CCNH: variants seen among roughly 807,000 people sequenced by gnomAD.
CCNH encodes the protein cyclin H, also known as cyclin-H.
CCNH carries 31 observed loss-of-function variants against 41.9 expected under a neutral mutation model. That is an observed-to-expected ratio of 0.74 (90% CI 0.56 to 1.00). The LOEUF is 1.00. Ranked by LOEUF, CCNH falls within the 50% of genes least tolerant of loss-of-function variation. The probability of loss-of-function intolerance (pLI) is 0.00; values close to 1 mark genes in which losing one functional copy is unlikely to be tolerated. For missense variants in CCNH, 362 were observed against 388.4 expected (o/e 0.93, Z 0.57); for synonymous variants, 138 against 136.1 (o/e 1.01, Z -0.10).
At chr5:87,329,327 G>A (rs181819617) in intron 9 of CCNH, among the ~76,000 whole-genome samples, 6 of 151,450 alleles carry the variant, frequency 4.0e-5, no homozygotes, top group African/African-American at 7.3e-5. Flanking sequence ...CTGCAGTCTC[G>A]GCTACTTGGG....
At chr5:87,393,450 G>A (rs144120662), downstream of CCNH, 3 of 152,236 alleles carry the variant, frequency 2.0e-5, no homozygotes, top group East Asian at 3.9e-4. Flanking sequence ...TTTTCAGTGT[G>A]GGAAACTGGC....
At chr5:87,369,973 A>G (rs1196445062) in intron 9 of CCNH, 4 of 1,244,302 alleles carry the variant, frequency 3.2e-6, no homozygotes, top group Non-Finnish European at 4.7e-6. Flanking sequence ...TGGAATAGAA[A>G]ATGATCGCAT....
intron 9 of CCNH, chr5:87,346,779 G>C: frequency 1.5e-6 from 2 of 1,328,984 alleles, no homozygotes; most frequent in African/African-American, 1.4e-5. Context: ...ATAAAAAAGT[G>C]AACAAACCAT....
At chr5:87,344,678 A>AT (rs113174684) in intron 9 of CCNH, among the ~76,000 whole-genome samples, 3,800 of 131,028 alleles carry the variant, frequency 0.029, 71 homozygotes, top group South Asian at 0.036. Context: ...AAATGTTGTA[A>AT]TTTTTTTTTT....
intron 9 of CCNH, chr5:87,366,288 T>C (rs989427449): frequency 1.2e-5 from 4 of 338,180 alleles, no homozygotes; most frequent in East Asian, 7.6e-5. Flanking sequence ...AAGATGAATA[T>C]TGCAATATCT....
downstream of CCNH, chr5:87,389,581 G>GAGTT (rs545411201): frequency 1.5e-4 from 243 of 1,596,780 alleles, no homozygotes; most frequent in African/African-American, 2.8e-3. Context: ...AACACTTAGA[G>GAGTT]AGTTAATAAA....
chr5:87,323,107 G>A (rs1266707164), intron 9 of CCNH, among the ~76,000 whole-genome samples: 3 of 152,136 alleles, frequency 2.0e-5, no homozygotes, highest in Non-Finnish European at 4.4e-5. Context: ...ATGGATAACT[G>A]ATATTTCCAT....
At chr5:87,324,023 A>G (rs932600555) in intron 9 of CCNH, among the ~76,000 whole-genome samples, 2 of 152,152 alleles carry the variant, frequency 1.3e-5, no homozygotes, top group East Asian at 3.8e-4. Flanking sequence ...CATGTAGCAC[A>G]ATGCTTGGCA....
chr5:87,311,554 C>T, the CCNH span, among the ~76,000 whole-genome samples: 1 of 152,182 alleles, frequency 6.6e-6, no homozygotes, highest in African/African-American at 2.4e-5. Context: ...AGGGCAGAGT[C>T]CAGCAGAGAT....
At chr5:87,359,834 C>T (rs1008016599) in intron 9 of CCNH, among the ~76,000 whole-genome samples, 2 of 152,054 alleles carry the variant, frequency 1.3e-5, no homozygotes, top group Admixed American at 6.5e-5. Context: ...TTAAATGTAG[C>T]GTACCCAAAT....
chr5:87,372,486 T>C (rs916024868), downstream of CCNH, among the ~76,000 whole-genome samples: 19 of 152,172 alleles, frequency 1.2e-4, no homozygotes, highest in African/African-American at 4.1e-4. Flanking sequence ...CAAAAACTTA[T>C]TTTGGCCTCT....
Position 87,345,097 on chromosome 5 carries a change from C to T in CCNH, c.*91-26200G>A, listed in dbSNP as rs542060213. On this transcript the variant is annotated intron_variant and NMD_transcript_variant, in intron 9 of 9. Coordinates refer to the CCNH transcript ENST00000645953. ...CAAGAGATCCTCCTGCCTTGGCCTC[C>T]GAAAGTACTGGGATTACAGGTGTGA... 3.3e-5 allele frequency among the ~76,000 whole-genome samples: 5 copies of T among 151,996 alleles called. No homozygotes were observed. The East Asian group carries it at 5.8e-4, about 18-fold the overall frequency.
downstream of CCNH, among the ~76,000 whole-genome samples, chr5:87,317,750 C>G (rs1400682493): frequency 6.6e-6 from 1 of 151,890 alleles, no homozygotes; most frequent in Non-Finnish European, 1.5e-5. Flanking sequence ...ATTCTCATGC[C>G]TCAGCCTCCT....
chr5:87,345,380 A>G (rs1758785417), intron 9 of CCNH, among the ~76,000 whole-genome samples: 1 of 152,138 alleles, frequency 6.6e-6, no homozygotes, highest in Non-Finnish European at 1.5e-5. Flanking sequence ...TTCAAACTGT[A>G]GAAGTAGAGG....
intron 5 of CCNH, among the ~76,000 whole-genome samples, chr5:87,403,455 G>A (rs538713577): frequency 6.6e-6 from 1 of 152,232 alleles, no homozygotes; most frequent in South Asian, 2.1e-4. Context: ...TTTGAATTGT[G>A]GAAAAGAGGA....
At chr5:87,336,609 T>G (rs946571924) in intron 9 of CCNH, among the ~76,000 whole-genome samples, 1 of 152,112 alleles carries the variant, frequency 6.6e-6, no homozygotes, top group Non-Finnish European at 1.5e-5. Context: ...TTTAAAACTT[T>G]TTTTGGTTTT....
rs767426565 is a variant in CCNH, at chr5:87,401,729, G to T, written c.733C>A (p.Leu245Met). The T allele has an allele frequency of 1.3e-6, 2 of 1,590,584 alleles. No individual in the cohort carries two copies. Among genetic ancestry groups the T allele is most frequent in the Non-Finnish European group, 8.5e-7 (1 of 1,170,866 alleles). ...SLMLKENRTC[L>M]SQLLDIMKSM... ...TTCATTATATCTAGTAACTGTGACAGGCAAGTTCTGTTCTCTTTCAGCATC... is the reference window on the plus strand; with the variant it reads ...TTCATTATATCTAGTAACTGTGACATGCAAGTTCTGTTCTCTTTCAGCATC... Residue 245 changes from leucine to methionine, a missense_variant, in exon 6 of 9, where the codon CTG becomes ATG. Transcript: ENST00000256897.
At chr5:87,400,663 A>G (rs1476474020) in intron 6 of CCNH, among the ~76,000 whole-genome samples, 1 of 152,250 alleles carries the variant, frequency 6.6e-6, no homozygotes, top group Non-Finnish European at 1.5e-5. Context: ...TTTAAAACAC[A>G]AAATATATAA....
intron 9 of CCNH, among the ~76,000 whole-genome samples, chr5:87,355,858 C>A (rs1269398959): frequency 6.6e-6 from 1 of 152,110 alleles, no homozygotes; most frequent in Non-Finnish European, 1.5e-5. Flanking sequence ...CTTTGAGGGG[C>A]TCAAGACTAC....
Sources: gnomAD v4.1 joint callset for allele counts (sites outside exome capture counted in the v4.1 genomes callset) on GRCh38, gnomAD v4.1.1 for gene constraint, MANE v1.5 for transcripts, NCBI Gene and HGNC (gene_info 2026-07-23, HGNC 2026-07-21) for gene names.